Variants in GALNTL6 observed in about 807,000 individuals in gnomAD.
GALNTL6 encodes polypeptide N-acetylgalactosaminyltransferase like 6.
GALNTL6 carries 46 observed loss-of-function variants against 73.7 expected under a neutral mutation model. The observed-to-expected ratio is 0.62, with a 90% confidence interval of 0.49 to 0.80. The LOEUF (loss-of-function observed/expected upper bound fraction) is 0.80. GALNTL6 is among the 30% of genes least tolerant of loss of function. The pLI is 0.00. For synonymous variants in GALNTL6, 259 were observed against 263.7 expected (o/e 0.98, Z 0.17); for missense variants, 604 against 755.0 (o/e 0.80, Z 2.34).
chr4:172,606,610 A>AG (rs1257060285), intron 5 of GALNTL6, among the ~76,000 whole-genome samples: 2 of 108,114 alleles, frequency 1.8e-5, no homozygotes, highest in African/African-American at 7.1e-5. Flanking sequence ...ATACATATAT[A>AG]CATATATAGT....
At chr4:172,022,784 T>C (rs149698120) in intron 2 of GALNTL6, among the ~76,000 whole-genome samples, 295 of 152,128 alleles carry the variant, frequency 1.9e-3, no homozygotes, top group African/African-American at 6.8e-3. Flanking sequence ...TAAGCACTCC[T>C]GCAAAATTCA....
chr4:172,756,026 C>T (rs746616504), intron 5 of GALNTL6, among the ~76,000 whole-genome samples: 65 of 152,114 alleles, frequency 4.3e-4, no homozygotes, highest in Non-Finnish European at 7.6e-4. Context: ...ATTTTTTTAG[C>T]TGTCAATGAT....
chr4:172,756,851 T>A (rs1737784485), intron 5 of GALNTL6, among the ~76,000 whole-genome samples: 1 of 152,170 alleles, frequency 6.6e-6, no homozygotes, highest in African/African-American at 2.4e-5. Flanking sequence ...CAGGTAAGGG[T>A]GAAATAATAC....
chr4:172,515,737 G>T (rs1053639096), intron 5 of GALNTL6, among the ~76,000 whole-genome samples: 1 of 152,118 alleles, frequency 6.6e-6, no homozygotes, highest in South Asian at 2.1e-4. Context: ...AACAGAGTTG[G>T]GCTCAGGGCA....
intron 2 of GALNTL6, among the ~76,000 whole-genome samples, chr4:172,069,724 A>G (rs4557229): frequency 0.73 from 72,005 of 98,156 alleles, 32,553 homozygotes; most frequent in South Asian, 0.88. Context: ...CTCATCCACA[A>G]AATTCCACTT....
chr4:172,809,320 T>C lies in GALNTL6; in HGVS notation c.554-41T>C, dbSNP rs750542519. The C allele has an allele frequency of 1.7e-5, 25 of 1,507,954 alleles. No individual in the cohort carries two copies. Among genetic ancestry groups the C allele is most frequent in the South Asian group, 4.6e-5 (4 of 87,354 alleles). 93.4% of individuals were successfully genotyped at this position (1,507,954 alleles called of 1,614,324 possible). The stretch of plus-strand genomic sequence containing the variant: ...CCGTGAATAATTCAGCTGCAACTAA[T>C]GTTTTGCGTTTTTTCTATGCATTCT... On this transcript the variant is annotated intron_variant, in intron 5 of 12. Transcript: ENST00000506823. This position sits in a 1 kb window ranked among gnomAD's most constrained non-coding sequence, Gnocchi z 4.4.
chr4:172,927,569 T>C (rs1423003462), intron 8 of GALNTL6, among the ~76,000 whole-genome samples: 2 of 152,032 alleles, frequency 1.3e-5, no homozygotes, highest in East Asian at 3.9e-4. Context: ...GTTTCTGCTC[T>C]GTGATATATG....
chr4:171,987,395 G>A (rs1290170623), intron 2 of GALNTL6, among the ~76,000 whole-genome samples: 1 of 152,170 alleles, frequency 6.6e-6, no homozygotes, highest in East Asian at 1.9e-4. Context: ...AGGCTAAACT[G>A]AGGAATTATG....
chr4:172,705,321 G>A (rs1334053909), intron 5 of GALNTL6, among the ~76,000 whole-genome samples: 3 of 147,236 alleles, frequency 2.0e-5, no homozygotes, highest in East Asian at 3.9e-4. Flanking sequence ...TCTTGCGTTT[G>A]CTTTCTATTT....
intron 3 of GALNTL6, among the ~76,000 whole-genome samples, chr4:172,255,725 G>A (rs1454092494): frequency 6.6e-6 from 1 of 151,310 alleles, no homozygotes; most frequent in Non-Finnish European, 1.5e-5. Context: ...TGGGACTACG[G>A]ATTGTTTTTA....
chr4:171,967,463 T>TGTTTTTTTC (rs1487724032), intron 2 of GALNTL6, among the ~76,000 whole-genome samples: 1 of 151,478 alleles, frequency 6.6e-6, no homozygotes, highest in African/African-American at 2.4e-5. Flanking sequence ...TTTTTTTTTT[T>TGTTTTTTTC]TTGTAGATGT....
chr4:172,404,064 G>C (rs1488941208), intron 5 of GALNTL6, among the ~76,000 whole-genome samples: 1 of 151,776 alleles, frequency 6.6e-6, no homozygotes, highest in Non-Finnish European at 1.5e-5. Context: ...TTATCTGGAT[G>C]ATCTTTCATT....
At chr4:172,283,156 C>T (rs142238373) in intron 3 of GALNTL6, among the ~76,000 whole-genome samples, 1 of 152,286 alleles carries the variant, frequency 6.6e-6, no homozygotes, top group East Asian at 1.9e-4. Context: ...AATTTCATTT[C>T]TTCACACTTC....
chr4:172,184,376 C>G (rs994805223), intron 2 of GALNTL6, among the ~76,000 whole-genome samples: 2 of 152,184 alleles, frequency 1.3e-5, no homozygotes, highest in African/African-American at 2.4e-5. Flanking sequence ...CTCATGCCCT[C>G]TGATGTATTG....
At chr4:173,034,899 T>C (rs1400809226) in intron 12 of GALNTL6, among the ~76,000 whole-genome samples, 3 of 152,198 alleles carry the variant, frequency 2.0e-5, no homozygotes, top group Non-Finnish European at 4.4e-5. Context: ...TTTAAGTTTA[T>C]ATTCCAAGCA....
intron 3 of GALNTL6, among the ~76,000 whole-genome samples, chr4:172,230,799 T>C (rs1579281347): frequency 2.6e-5 from 4 of 152,172 alleles, no homozygotes; most frequent in African/African-American, 9.6e-5. Context: ...GGTAAAGACA[T>C]CTCAGCAGCC....
At chr4:172,298,165 G>T (rs1739757936) in intron 3 of GALNTL6, among the ~76,000 whole-genome samples, 1 of 152,072 alleles carries the variant, frequency 6.6e-6, no homozygotes, top group African/African-American at 2.4e-5. Context: ...GTCTGTTATT[G>T]GTGTATAAGA....
At chr4:172,674,288 G>A (rs1388371680) in intron 5 of GALNTL6, among the ~76,000 whole-genome samples, 1 of 152,070 alleles carries the variant, frequency 6.6e-6, no homozygotes, top group Non-Finnish European at 1.5e-5. Context: ...TAAAATATTG[G>A]CCCTCCATCT....
intron 8 of GALNTL6, among the ~76,000 whole-genome samples, chr4:172,885,153 G>A (rs181497155): frequency 1.1e-4 from 17 of 152,176 alleles, no homozygotes; most frequent in Non-Finnish European, 2.1e-4. Context: ...TTCCGTTTCT[G>A]TGAAGAATGT....
Sources: allele counts gnomAD v4.1 joint callset (sites outside exome capture counted in the v4.1 genomes callset), GRCh38; gene constraint gnomAD v4.1.1; non-coding constraint Gnocchi (gnomAD v3.1); transcripts MANE v1.5; gene names NCBI Gene and HGNC (gene_info 2026-07-23, HGNC 2026-07-21).